The following ST3GAL3 variants were observed in gnomAD, a reference collection of about 807,000 sequenced individuals.
ST3GAL3 encodes ST3 beta-galactoside alpha-2,3-sialyltransferase 3.
ST3GAL3 carries 21 observed loss-of-function variants against 50.1 expected under a neutral mutation model. The observed-to-expected ratio is 0.42, with a 90% CI of 0.30 to 0.60. The LOEUF is 0.60. ST3GAL3 is among the 20% of genes least tolerant of loss of function. The pLI, the probability that ST3GAL3 is intolerant of heterozygous loss-of-function variation, is 0.19. For synonymous variants in ST3GAL3, 183 were observed against 190.0 expected, an observed-to-expected ratio of 0.96 and a Z score of 0.30; for missense variants, 353 against 489.4, an observed-to-expected ratio of 0.72 and a Z score of 2.63.
intron 5 of ST3GAL3, among the ~76,000 whole-genome samples, chr1:43,860,625 G>A (rs2069668941): frequency 6.6e-6 from 1 of 152,234 alleles, no homozygotes; most frequent in Non-Finnish European, 1.5e-5. Context: ...GCTAAAGGAA[G>A]AAAGGTAGGA....
At chr1:43,850,813 C>G in intron 5 of ST3GAL3, 2 of 1,036,852 alleles carry the variant, frequency 1.9e-6, no homozygotes, top group Non-Finnish European at 3.0e-6. Flanking sequence ...AGGGCCACAG[C>G]AACCCCAGCA....
intron 11 of ST3GAL3, 23 bp from the exon 12 acceptor site, chr1:43,930,109 G>A (rs2084815699): frequency 6.2e-7 from 1 of 1,611,836 alleles, no homozygotes; most frequent in South Asian, 1.1e-5. Flanking sequence ...AGGCCCAACT[G>A]ATCACTTCAT....
At chr1:43,724,619 T>G (rs1672061424) in intron 1 of ST3GAL3, among the ~76,000 whole-genome samples, 1 of 152,194 alleles carries the variant, frequency 6.6e-6, no homozygotes, top group South Asian at 2.1e-4. Context: ...ATGCTAATTA[T>G]CTGCAGAGGC....
intron 4 of ST3GAL3, among the ~76,000 whole-genome samples, chr1:43,827,065 A>G (rs1286545110): frequency 6.6e-6 from 1 of 152,218 alleles, no homozygotes; most frequent in Non-Finnish European, 1.5e-5. Flanking sequence ...CCTGTTCAAC[A>G]TTATACTAAA....
chr1:43,743,771 C>T (rs151317964), intron 2 of ST3GAL3: 15 of 213,722 alleles, frequency 7.0e-5, no homozygotes, highest in African/African-American at 3.3e-4. Context: ...ACAATACATT[C>T]TCAGTTAGAA....
intron 1 of ST3GAL3, among the ~76,000 whole-genome samples, chr1:43,710,280 C>G (rs1381594182): frequency 6.6e-6 from 1 of 152,116 alleles, no homozygotes; most frequent in African/African-American, 2.4e-5. Flanking sequence ...CGGGGTTTCA[C>G]CATGTTGGCC....
intron 2 of ST3GAL3, among the ~76,000 whole-genome samples, chr1:43,762,664 T>C (rs536164384): frequency 1.1e-4 from 17 of 152,314 alleles, no homozygotes; most frequent in Admixed American, 2.6e-4. Context: ...TCCATAGTTA[T>C]ACATACATAA....
At chr1:43,777,380 C>A (rs1006179965) in intron 2 of ST3GAL3, among the ~76,000 whole-genome samples, 11 of 152,142 alleles carry the variant, frequency 7.2e-5, no homozygotes, top group Non-Finnish European at 1.3e-4. Flanking sequence ...TCAAACTATA[C>A]TTCAAGGCTA....
intron 5 of ST3GAL3, among the ~76,000 whole-genome samples, chr1:43,891,429 C>T (rs1224343215): frequency 6.6e-6 from 1 of 152,062 alleles, no homozygotes; most frequent in African/African-American, 2.4e-5. Flanking sequence ...ATTAACCGGG[C>T]ATGATGGCAG....
chr1:43,894,346 CGTTTTT>C, intron 5 of ST3GAL3, 31 bp from the exon 6 acceptor site: 1 of 1,595,820 alleles, frequency 6.3e-7, no homozygotes, highest in East Asian at 2.2e-5. Flanking sequence ...CAGACTGTTG[CGTTTTT>C]GTGATCCTCA....
intron 11 of ST3GAL3, 58 bp downstream of exon 11, chr1:43,920,986 T>A: frequency 1.9e-6 from 3 of 1,548,598 alleles, no homozygotes; most frequent in Non-Finnish European, 2.6e-6. Flanking sequence ...GGTGCATAAA[T>A]GAGTAGTAAA....
At chr1:43,869,000 A>C (rs748839640) in intron 5 of ST3GAL3, among the ~76,000 whole-genome samples, 4 of 152,190 alleles carry the variant, frequency 2.6e-5, no homozygotes, top group Non-Finnish European at 4.4e-5. Context: ...CCATGACATT[A>C]GACTGGAGGC....
rs1280111223 is a variant in ST3GAL3, at chr1:43,813,897, A to ACACACG, written c.167-988_167-983dup. On this transcript the variant is annotated intron_variant, in intron 3 of 11. Transcript: ENST00000347631. Reference sequence around the variant, plus strand: ...CACACACACACACACACACACACGCACACACGCACACACACACACACACAC... The same window carrying ACACACG: ...CACACACACACACACACACACACGCACACACGCACACGCACACACACACACACACAC... Among the ~76,000 whole-genome samples the ACACACG allele has an allele frequency of 3.6e-3, 153 of 42,062 alleles. 1 individual carries two copies. Among genetic ancestry groups the ACACACG allele is most frequent in the African/African-American group, 8.1e-3 (143 of 17,572 alleles). 27.6% of individuals were successfully genotyped at this position (42,062 alleles called of 152,430 possible). A position where few individuals can be genotyped will look rare whatever the true frequency, so the allele number is the denominator to read the frequency against.
intron 2 of ST3GAL3, among the ~76,000 whole-genome samples, chr1:43,766,545 C>T (rs921042993): frequency 4.0e-5 from 6 of 151,892 alleles, no homozygotes; most frequent in East Asian, 3.9e-4. Flanking sequence ...ACAGAGTACT[C>T]GAAATATTTT....
intron 3 of ST3GAL3, among the ~76,000 whole-genome samples, chr1:43,803,818 G>C (rs558683338): frequency 6.6e-6 from 1 of 152,200 alleles, no homozygotes; most frequent in Non-Finnish European, 1.5e-5. Context: ...CTTGGTGCAC[G>C]TGCAGGAGGG....
chr1:43,818,831 G>A (rs552413707), intron 4 of ST3GAL3, among the ~76,000 whole-genome samples: 1 of 150,594 alleles, frequency 6.6e-6, no homozygotes, highest in East Asian at 1.9e-4. Flanking sequence ...TCAATAAAAG[G>A]GGTTAGCAGC....
chr1:43,860,194 A>G (rs1449512666), intron 5 of ST3GAL3, among the ~76,000 whole-genome samples: 4 of 152,182 alleles, frequency 2.6e-5, no homozygotes, highest in African/African-American at 7.2e-5. Flanking sequence ...CTCCAAAGCA[A>G]TGACCTTTTT....
chr1:43,738,945 C>T (rs893049187), intron 2 of ST3GAL3: 15 of 152,002 alleles, frequency 9.9e-5, no homozygotes, highest in African/African-American at 1.9e-4. Flanking sequence ...ACTATATGTC[C>T]GTAAGATAGC....
intron 2 of ST3GAL3, among the ~76,000 whole-genome samples, chr1:43,773,055 A>C (rs989210878): frequency 5.3e-5 from 8 of 152,124 alleles, no homozygotes; most frequent in Admixed American, 5.2e-4. Flanking sequence ...CCTATTCTCA[A>C]ATTTTTTTAA....
Sources: allele counts gnomAD v4.1 joint callset (sites outside exome capture counted in the v4.1 genomes callset), GRCh38; gene constraint gnomAD v4.1.1; transcripts MANE v1.5; gene names NCBI Gene and HGNC (gene_info 2026-07-23, HGNC 2026-07-21).